Variants in NEDD4L observed in about 807,000 individuals in gnomAD.
NEDD4L encodes NEDD4 like E3 ubiquitin protein ligase.
In NEDD4L, 54 loss-of-function variants were observed where a neutral mutation model predicts 148.9. That is an observed-to-expected ratio of 0.36 (90% CI 0.29 to 0.45). NEDD4L has a LOEUF of 0.45. Among genes scored for constraint, NEDD4L ranks in the 20% least tolerant of loss-of-function variants. The pLI is 1.00. For missense variants in NEDD4L, 856 were observed against 1,233.8 expected, an observed-to-expected ratio of 0.69 and a Z score of 4.59; for synonymous variants, 433 against 440.7, an observed-to-expected ratio of 0.98 and a Z score of 0.22.
At position 58,128,869 on chromosome 18, in the gene NEDD4L, C is replaced by T. The variant is rs186590756; in HGVS notation, c.49-36919C>T. ...CTTTGGATTGCTGACTGCGAGCTCA[C>T]GGTACTGTTAATGATTTTCTACCTA... On this transcript the variant is annotated intron_variant, in intron 1 of 30. Coordinates refer to ENST00000400345, the MANE Select transcript of NEDD4L (RefSeq NM_001144967.3). Among the ~76,000 whole-genome samples the T allele has an allele frequency of 9.2e-5, 14 of 152,250 alleles. No individual in the cohort carries two copies. In the East Asian group the frequency reaches 2.1e-3, roughly 23 times the overall value.
intron 18 of NEDD4L, among the ~76,000 whole-genome samples, chr18:58,354,919 G>C (rs1227689105): frequency 6.6e-6 from 1 of 152,176 alleles, no homozygotes; most frequent in East Asian, 1.9e-4. Context: ...AGTGATCCTA[G>C]GATGCGTGGA....
At chr18:58,190,177 G>A (rs533660245) in intron 2 of NEDD4L, among the ~76,000 whole-genome samples, 27 of 152,266 alleles carry the variant, frequency 1.8e-4, no homozygotes, top group African/African-American at 6.0e-4. Flanking sequence ...GGAAGAGTGT[G>A]CATGCCTGTT....
intron 15 of NEDD4L, among the ~76,000 whole-genome samples, chr18:58,342,547 T>C (rs529991662): frequency 6.6e-6 from 1 of 152,202 alleles, no homozygotes; most frequent in South Asian, 2.1e-4. Flanking sequence ...CTTTTTGTGC[T>C]CTAAAACTTG....
At chr18:58,188,282 G>A (rs1029626876) in intron 2 of NEDD4L, among the ~76,000 whole-genome samples, 7 of 152,304 alleles carry the variant, frequency 4.6e-5, no homozygotes, top group African/African-American at 1.7e-4. Context: ...AGAACATAGG[G>A]CTCAAAGGGA....
intron 1 of NEDD4L, among the ~76,000 whole-genome samples, chr18:58,118,011 A>G (rs73442629): frequency 0.025 from 3,821 of 152,314 alleles, 145 homozygotes; most frequent in African/African-American, 0.085. Flanking sequence ...AGCAGAAAGA[A>G]TGGACTTGAC....
At chr18:58,231,844 A>C (rs781339834) in intron 2 of NEDD4L, among the ~76,000 whole-genome samples, 1 of 152,224 alleles carries the variant, frequency 6.6e-6, no homozygotes, top group East Asian at 1.9e-4. Flanking sequence ...GATCACAGGC[A>C]TGAGCCACTG....
intron 11 of NEDD4L, among the ~76,000 whole-genome samples, chr18:58,331,417 T>C (rs1306495353): frequency 1.3e-5 from 2 of 152,222 alleles, no homozygotes; most frequent in African/African-American, 4.8e-5. Flanking sequence ...GAGTGGGAGA[T>C]AGAAGACGTC....
chr18:58,233,632 CA>C (rs1482313391), intron 2 of NEDD4L, among the ~76,000 whole-genome samples: 2 of 152,172 alleles, frequency 1.3e-5, no homozygotes, highest in African/African-American at 4.8e-5. Flanking sequence ...TAAAGTGAGA[CA>C]AAAAGTCAGA....
chr18:58,163,025 C>G (rs1202797339), intron 1 of NEDD4L, among the ~76,000 whole-genome samples: 1 of 151,354 alleles, frequency 6.6e-6, no homozygotes, highest in East Asian at 2.0e-4. Context: ...GATCCCGCCA[C>G]TGCACTCCAC....
chr18:58,214,707 G>C (rs1166012117), intron 2 of NEDD4L, among the ~76,000 whole-genome samples: 2 of 150,722 alleles, frequency 1.3e-5, no homozygotes, highest in African/African-American at 4.9e-5. Flanking sequence ...ACAGAGCTTT[G>C]GGGTTTTTTC....
chr18:58,301,148 C>T (rs891775189), intron 5 of NEDD4L, among the ~76,000 whole-genome samples: 3 of 152,118 alleles, frequency 2.0e-5, no homozygotes, highest in Non-Finnish European at 4.4e-5. Flanking sequence ...TATGGAAGAG[C>T]TCAAATGATT....
chr18:58,276,192 TCG>T (rs1178343415), intron 5 of NEDD4L, among the ~76,000 whole-genome samples: 8 of 92,376 alleles, frequency 8.7e-5, no homozygotes, highest in African/African-American at 2.1e-4. Context: ...ATTTTCTTTT[TCG>T]TTTTTTTTTT....
In NEDD4L at chr18:58,390,630, C is replaced by G. The variant is rs778671131; in HGVS notation, c.2656-16C>G. 3 of 1,552,198 alleles carry G rather than the reference C, an allele frequency of 1.9e-6. No homozygotes were observed. The African/African-American group carries it at 4.1e-5, about 21-fold the overall frequency. On this transcript the variant is annotated splice_polypyrimidine_tract_variant and intron_variant, in intron 28 of 30. Transcript: ENST00000400345. ...GTCACGTGGGGGGTATAATGACCTTCTGCCTCTGTTCATAGGCTGTGCTAC... is the reference window on the plus strand; with the variant it reads ...GTCACGTGGGGGGTATAATGACCTTGTGCCTCTGTTCATAGGCTGTGCTAC...
intron 5 of NEDD4L, among the ~76,000 whole-genome samples, chr18:58,263,795 C>A (rs1975144): frequency 0.034 from 5,209 of 151,680 alleles, 305 homozygotes; most frequent in African/African-American, 0.12. Flanking sequence ...GTGGAACCAG[C>A]AATACTGAAA....
intron 1 of NEDD4L, among the ~76,000 whole-genome samples, chr18:58,056,747 A>G (rs1471104476): frequency 1.3e-5 from 2 of 151,770 alleles, no homozygotes; most frequent in African/African-American, 4.8e-5. Context: ...CACCCAGCTA[A>G]TTTTTGTATT....
intron 2 of NEDD4L, among the ~76,000 whole-genome samples, chr18:58,167,330 T>C (rs1355535321): frequency 6.6e-6 from 1 of 152,200 alleles, no homozygotes; most frequent in East Asian, 1.9e-4. Context: ...GGATCCCTGC[T>C]TCCCTTCTCT....
chr18:58,141,310 A>G (rs1230185794), intron 1 of NEDD4L, among the ~76,000 whole-genome samples: 1 of 152,218 alleles, frequency 6.6e-6, no homozygotes, highest in African/African-American at 2.4e-5. Context: ...GATTAGAGAA[A>G]ATATGAACTC....
intron 2 of NEDD4L, chr18:58,221,480 G>A (rs1439769071): frequency 3.3e-6 from 3 of 903,458 alleles, no homozygotes; most frequent in Non-Finnish European, 4.0e-6. Context: ...GGAGCTTGAC[G>A]CAACCCCCTT....
intron 1 of NEDD4L, among the ~76,000 whole-genome samples, chr18:58,146,529 A>T (rs760734885): frequency 8.5e-5 from 13 of 152,176 alleles, no homozygotes; most frequent in Non-Finnish European, 1.9e-4. Flanking sequence ...AGGACTCTTC[A>T]TGACATGGAG....
Sources: allele counts gnomAD v4.1 joint callset (sites outside exome capture counted in the v4.1 genomes callset), GRCh38; gene constraint gnomAD v4.1.1; transcripts MANE v1.5; gene names NCBI Gene and HGNC (gene_info 2026-07-23, HGNC 2026-07-21).